The following KIRREL3 variants were observed in gnomAD, a reference collection of about 807,000 sequenced individuals.
KIRREL3 encodes kin of IRRE-like protein 3.
In KIRREL3, 36 loss-of-function variants were observed where a neutral mutation model predicts 89.7. The ratio of observed to expected loss-of-function variants is 0.40; its 90% confidence interval spans 0.31 to 0.53. The LOEUF (loss-of-function observed/expected upper bound fraction) is 0.53, where lower values mean the gene tolerates loss of function less well. KIRREL3 is among the 20% of genes least tolerant of loss of function. KIRREL3 has a pLI of 0.49. For synonymous variants in KIRREL3, 445 were observed against 441.4 expected (o/e 1.01, Z -0.10); for missense variants, 864 against 1,056.6 (o/e 0.82, Z 2.53).
Position 126,787,252 on chromosome 11 carries a change from G to T in KIRREL3, c.55+213203C>A, listed in dbSNP as rs546393660. 4.6e-5 allele frequency among the ~76,000 whole-genome samples: 7 copies of T among 152,246 alleles called. No individual in the cohort carries two copies. The East Asian group carries it at 1.4e-3, about 29-fold the overall frequency. ...CTTCCCCTATGGCACAAATTTTCAG[G>T]ACTCTGATTTGCAAGACATGGACCA... On this transcript the variant is annotated intron_variant, in intron 1 of 16. Coordinates refer to ENST00000525144, the MANE Select transcript of KIRREL3 (RefSeq NM_032531.4).
chr11:126,758,041 C>T (rs997045710), intron 1 of KIRREL3, among the ~76,000 whole-genome samples: 3 of 152,216 alleles, frequency 2.0e-5, no homozygotes, highest in African/African-American at 7.2e-5. Flanking sequence ...GACTGATTCC[C>T]TAATTAGCCA....
chr11:126,680,829 T>G (rs1281765663), intron 1 of KIRREL3, among the ~76,000 whole-genome samples: 1 of 152,098 alleles, frequency 6.6e-6, no homozygotes, highest in Non-Finnish European at 1.5e-5. Context: ...GTAATTTGTA[T>G]AATTAACCAT....
rs1944536051 is a variant in KIRREL3, at chr11:126,643,115, C to T, written c.56-80203G>A. ...GAATCAGATTGGAAAACTGAGTCTG[C>T]CACTTACTAATTCTGTAATATTGGG... is the stretch of plus-strand genomic sequence containing the variant. On this transcript the variant is annotated intron_variant, in intron 1 of 16. Transcript: ENST00000525144. This position sits in a 1 kb window ranked among gnomAD's most constrained non-coding sequence, Gnocchi z 4.5. Among the ~76,000 whole-genome samples, 1 of 152,076 alleles carries T rather than the reference C, an allele frequency of 6.6e-6. No homozygotes were observed. Among genetic ancestry groups the T allele is most frequent in the Non-Finnish European group, 1.5e-5 (1 of 68,004 alleles).
rs1175874280 is a variant in KIRREL3 at position 126,768,154 on chromosome 11, ATCCATCCATCCATCCAATCC to A, written c.56-205262_56-205243del. Among the ~76,000 whole-genome samples the A allele has an allele frequency of 7.7e-6, 1 of 130,400 alleles. No homozygotes were observed. Among genetic ancestry groups the A allele is most frequent in the Non-Finnish European group, 1.6e-5 (1 of 64,304 alleles). The allele number at this position is 130,400 out of a possible 152,430, so 85.5% of individuals were successfully genotyped here. ...CATCTATCCATCCATCCATCCATCC[ATCCATCCATCCATCCAATCC>A]ATCCATCCATCCATCCATCCATCCA... is the stretch of plus-strand genomic sequence containing the variant. On this transcript the variant is annotated intron_variant, in intron 1 of 16. Coordinates refer to ENST00000525144, the MANE Select transcript of KIRREL3 (RefSeq NM_032531.4). This position sits in a 1 kb window ranked among gnomAD's most constrained non-coding sequence, Gnocchi z 4.5.
Position 126,791,398 on chromosome 11 carries a change from A to G in KIRREL3, c.55+209057T>C, listed in dbSNP as rs1273628358. Among the ~76,000 whole-genome samples the G allele has an allele frequency of 6.6e-6, 1 of 152,222 alleles. No homozygotes were observed. Among genetic ancestry groups the G allele is most frequent in the Non-Finnish European group, 1.5e-5 (1 of 68,044 alleles). ...CTACCCGCTTCCCAGGCTTCTGCTC[A>G]CGGGAGCTTCAGCTTGGCCTCAGCT... On this transcript the variant is annotated intron_variant, in intron 1 of 16. Transcript: ENST00000525144. This position sits in a 1 kb window ranked among gnomAD's most constrained non-coding sequence, Gnocchi z 4.8.
chr11:126,492,947 CG>C lies in KIRREL3; in HGVS notation c.434-19482del, dbSNP rs1398724419. On this transcript the variant is annotated intron_variant, in intron 4 of 16. Coordinates refer to ENST00000525144, the MANE Select transcript of KIRREL3 (RefSeq NM_032531.4). The surrounding 1 kb of genome is among the most constrained non-coding windows in gnomAD (Gnocchi z 4.8). Reference sequence around the variant, plus strand: ...TAGACATGCCGCAGAACTTCCTGGCCGTGGGCTGAGTGACCCAAAAGGCCGT... The same window carrying C: ...TAGACATGCCGCAGAACTTCCTGGCCTGGGCTGAGTGACCCAAAAGGCCGT... Among the ~76,000 whole-genome samples, 2 of 152,134 alleles carry C rather than the reference CG, an allele frequency of 1.3e-5. No homozygotes were observed. Among genetic ancestry groups the C allele is most frequent in the African/African-American group, 4.8e-5 (2 of 41,418 alleles).
chr11:126,727,935 G>T (rs1350081059), intron 1 of KIRREL3, among the ~76,000 whole-genome samples: 2 of 152,006 alleles, frequency 1.3e-5, no homozygotes, highest in South Asian at 2.1e-4. Context: ...AGGAGACCCG[G>T]AGGGAAGGAA....
At chr11:126,933,401 G>T (rs1163179349) in intron 1 of KIRREL3, among the ~76,000 whole-genome samples, 1 of 151,602 alleles carries the variant, frequency 6.6e-6, no homozygotes, top group Non-Finnish European at 1.5e-5. Context: ...CCTCCTTCAA[G>T]TCATCACGTT....
intron 1 of KIRREL3, among the ~76,000 whole-genome samples, chr11:126,932,580 G>T (rs1305499887): frequency 6.6e-6 from 1 of 152,196 alleles, no homozygotes; most frequent in Non-Finnish European, 1.5e-5. Flanking sequence ...CCAATAAGCA[G>T]CAGGTCCCTG....
chr11:126,933,127 A>G (rs577709245), intron 1 of KIRREL3, among the ~76,000 whole-genome samples: 7 of 152,172 alleles, frequency 4.6e-5, no homozygotes, highest in Non-Finnish European at 8.8e-5. Flanking sequence ...AAGACGTCCA[A>G]ATTAATTGGA....
At position 126,570,826 on chromosome 11, in the gene KIRREL3, A is replaced by G. The variant is rs1940872902; in HGVS notation, c.56-7914T>C. ...AATCTACATGCCCATGTGGTCATCT[A>G]TCCTTCGGCTTCTCCAAATCTCTGC... On this transcript the variant is annotated intron_variant, in intron 1 of 16. Coordinates refer to ENST00000525144, the MANE Select transcript of KIRREL3 (RefSeq NM_032531.4). The surrounding 1 kb of genome is among the most constrained non-coding windows in gnomAD (Gnocchi z 6.1). Among the ~76,000 whole-genome samples the G allele has an allele frequency of 6.6e-6, 1 of 152,150 alleles. No homozygotes were observed. The highest frequency in any genetic ancestry group is 1.5e-5 in the Non-Finnish European group (1 of 68,028).
rs1945908876 is a variant in KIRREL3 at position 126,891,262 on chromosome 11, T to C, written c.55+109193A>G. Among the ~76,000 whole-genome samples the C allele has an allele frequency of 6.6e-6, 1 of 152,228 alleles. No individual in the cohort carries two copies. Among genetic ancestry groups the C allele is most frequent in the Admixed American group, 6.5e-5 (1 of 15,278 alleles). On this transcript the variant is annotated intron_variant, in intron 1 of 16. Transcript: ENST00000525144. This position sits in a 1 kb window ranked among gnomAD's most constrained non-coding sequence, Gnocchi z 5.1. ...TCTATCTTCTCATGCCTTAGAACTTTATTCCTTATATCAAAAAGATCCTGG... is the reference window on the plus strand; with the variant it reads ...TCTATCTTCTCATGCCTTAGAACTTCATTCCTTATATCAAAAAGATCCTGG...
At position 126,989,494 on chromosome 11, in the gene KIRREL3, C is replaced by T. The variant is rs1011641095; in HGVS notation, c.55+10961G>A. ...AATGAAAGGCCAAAGGTAACATAAA[C>T]CGCCAGCTCTACCAACCACTCAGGC... On this transcript the variant is annotated intron_variant, in intron 1 of 16. Coordinates refer to ENST00000525144, the MANE Select transcript of KIRREL3 (RefSeq NM_032531.4). This position sits in a 1 kb window ranked among gnomAD's most constrained non-coding sequence, Gnocchi z 6.2. Among the ~76,000 whole-genome samples, 1 of 152,292 alleles carries T rather than the reference C, an allele frequency of 6.6e-6. No homozygotes were observed. Among genetic ancestry groups the T allele is most frequent in the East Asian group, 1.9e-4 (1 of 5,162 alleles).
chr11:126,865,484 C>T (rs1409253187), intron 1 of KIRREL3, among the ~76,000 whole-genome samples: 1 of 152,190 alleles, frequency 6.6e-6, no homozygotes, highest in African/African-American at 2.4e-5. Context: ...GCAACAATGC[C>T]CCGGTGCTTG....
chr11:126,806,845 C>G (rs753896875), intron 1 of KIRREL3, among the ~76,000 whole-genome samples: 3 of 151,982 alleles, frequency 2.0e-5, no homozygotes, highest in Non-Finnish European at 2.9e-5. Flanking sequence ...CCCCCCACCC[C>G]CAACAGGCTC....
Position 126,431,556 on chromosome 11 carries a change from A to G in KIRREL3, c.1589-30T>C. ...GGGAGAGAAGCGGGCACAGCTGATG[A>G]CGGATGGGGAATGGCCTACTATCCC... On this transcript the variant is annotated intron_variant, in intron 13 of 16. Transcript: ENST00000525144. The surrounding 1 kb of genome is among the most constrained non-coding windows in gnomAD (Gnocchi z 7.1). 1 of 1,595,082 alleles carries G rather than the reference A, an allele frequency of 6.3e-7. No homozygotes were observed. The highest frequency in any genetic ancestry group is 8.6e-7 in the Non-Finnish European group (1 of 1,165,952).
In KIRREL3 at chr11:126,802,564, C is replaced by T. The variant is rs997280962; in HGVS notation, c.55+197891G>A. Among the ~76,000 whole-genome samples, 10 of 152,202 alleles carry T rather than the reference C, an allele frequency of 6.6e-5. No homozygotes were observed. In the South Asian group the frequency reaches 1.9e-3, roughly 28 times the overall value. On this transcript the variant is annotated intron_variant, in intron 1 of 16. Transcript: ENST00000525144. The surrounding 1 kb of genome is among the most constrained non-coding windows in gnomAD (Gnocchi z 5.2). ...GAGGTGACCTGGCATGTCTACATGG[C>T]CTCAGTGTGAGTGAGTGTGGGCATG...
chr11:126,896,725 A>T lies in KIRREL3; in HGVS notation c.55+103730T>A, dbSNP rs1372188996. Among the ~76,000 whole-genome samples the T allele has an allele frequency of 6.6e-6, 1 of 152,170 alleles. No individual in the cohort carries two copies. The highest frequency in any genetic ancestry group is 3.2e-3 in the Middle Eastern group (1 of 316). ...CCCAGGGGAGGGGTTCCATGGCCAC[A>T]GCAAGCTCTCTGGCAGCCTCTGACC... On this transcript the variant is annotated intron_variant, in intron 1 of 16. Transcript: ENST00000525144. The surrounding 1 kb of genome is among the most constrained non-coding windows in gnomAD (Gnocchi z 4.1).
chr11:126,741,679 G>C (rs1448526261), intron 1 of KIRREL3, among the ~76,000 whole-genome samples: 1 of 152,242 alleles, frequency 6.6e-6, no homozygotes, highest in African/African-American at 2.4e-5. Flanking sequence ...CTTGTGCATA[G>C]AAAGGAGAGA....
Sources: allele counts gnomAD v4.1 joint callset (sites outside exome capture counted in the v4.1 genomes callset), GRCh38; gene constraint gnomAD v4.1.1; non-coding constraint Gnocchi (gnomAD v3.1); transcripts MANE v1.5; gene names NCBI Gene and HGNC (gene_info 2026-07-23, HGNC 2026-07-21).